The following ANKMY1 variants were observed in gnomAD, a reference collection of about 807,000 sequenced individuals.
ANKMY1 encodes the protein ankyrin repeat and MYND domain-containing protein 1.
ANKMY1 carries 98 observed loss-of-function variants against 102.0 expected under a neutral mutation model. The observed-to-expected ratio is 0.96, with a 90% confidence interval of 0.82 to 1.14. ANKMY1 has a LOEUF of 1.14. Ranked by LOEUF, ANKMY1 falls within the 50% of genes most tolerant of loss-of-function variation. The pLI is 0.00. For missense variants in ANKMY1, 1,330 were observed against 1,347.6 expected, an observed-to-expected ratio of 0.99 and a Z score of 0.20; for synonymous variants, 582 against 559.9, an observed-to-expected ratio of 1.04 and a Z score of -0.56.
At chr2:240,490,374 T>A (rs77009686) in intron 15 of ANKMY1, among the ~76,000 whole-genome samples, 1 of 152,140 alleles carries the variant, frequency 6.6e-6, no homozygotes, top group Admixed American at 6.5e-5. Flanking sequence ...TAGTTTGTAA[T>A]CTTTCTACTT....
chr2:240,511,982 C>A lies in ANKMY1; in HGVS notation c.2165G>T (p.Ser722Ile), dbSNP rs778901962. 1 of 1,560,398 alleles carries A rather than the reference C, an allele frequency of 6.4e-7. No homozygotes were observed. The highest frequency in any genetic ancestry group is 8.6e-7 in the Non-Finnish European group (1 of 1,162,118). Reference sequence around the variant, plus strand: ...GCCTGGCTCATTGCTGAGCTTCAGACTTGAGGGCAGCAGGTCCAGCTGTGT... The same window carrying A: ...GCCTGGCTCATTGCTGAGCTTCAGAATTGAGGGCAGCAGGTCCAGCTGTGT... ...KPGKLDLLPS[S>I]LKLSNEPGPP... is the part of the protein sequence containing the mutation. The change falls in exon 11 of 18, where the codon AGT becomes ATT. Residue 722 changes from serine to isoleucine, a missense_variant. Transcript: ENST00000401804.
chr2:240,524,951 CAG>C (rs2083057162), intron 7 of ANKMY1, among the ~76,000 whole-genome samples: 1 of 152,200 alleles, frequency 6.6e-6, no homozygotes, highest in African/African-American at 2.4e-5. Context: ...AAGAGTCCCA[CAG>C]ACAGTTGTTT....
Position 240,507,622 on chromosome 2 carries a change from G to A in ANKMY1, c.2464C>T (p.Leu822=). The change falls in exon 13 of 18, where the codon CTG becomes TTG. Residue 822 remains leucine, a synonymous_variant. Coordinates refer to ENST00000401804, the MANE Select transcript of ANKMY1 (RefSeq NM_001282771.3). ...TAGGTCAGGTCACAGGCAACACACA[G>A]GGCACTGCCCAAGCCTTTGGTCAGG... ...LPLTKGLGSA[L]CVACDLTYEH... 2 of 1,612,034 alleles carry A rather than the reference G, an allele frequency of 1.2e-6. No individual in the cohort carries two copies. Among genetic ancestry groups the A allele is most frequent in the Non-Finnish European group, 1.7e-6 (2 of 1,179,000 alleles).
chr2:240,480,049 A>G (rs1055588300), intron 17 of ANKMY1, among the ~76,000 whole-genome samples: 2 of 152,148 alleles, frequency 1.3e-5, no homozygotes, highest in Admixed American at 1.3e-4. Flanking sequence ...GTCTCTACTA[A>G]AAATACAAAA....
At chr2:240,476,335 A>G (rs2074849199), downstream of ANKMY1, among the ~76,000 whole-genome samples, 1 of 152,228 alleles carries the variant, frequency 6.6e-6, no homozygotes, top group South Asian at 2.1e-4. Context: ...ATATACCCTT[A>G]TCTTACACCA....
chr2:240,485,647 T>C (rs1441601261), intron 15 of ANKMY1, among the ~76,000 whole-genome samples: 3 of 151,936 alleles, frequency 2.0e-5, no homozygotes, highest in African/African-American at 7.3e-5. Context: ...TGGAGTGCAG[T>C]GGCATGATAG....
intron 13 of ANKMY1, 106 bp from the exon 14 acceptor site, chr2:240,500,671 G>T: frequency 1.1e-6 from 1 of 926,914 alleles, no homozygotes; most frequent in Non-Finnish European, 1.7e-6. Context: ...CCCCACCAAG[G>T]CCGCCCTTGC....
chr2:240,550,258 C>G (rs2091254491), intron 4 of ANKMY1, among the ~76,000 whole-genome samples: 1 of 150,558 alleles, frequency 6.6e-6, no homozygotes, highest in South Asian at 2.1e-4. Flanking sequence ...TAAACTATCG[C>G]AAGAACAAAA....
chr2:240,479,401 C>A, downstream of ANKMY1: 1 of 648,236 alleles, frequency 1.5e-6, no homozygotes, highest in Admixed American at 2.7e-5. Flanking sequence ...CTTTGCCCAG[C>A]TAGGGGCAGA....
At chr2:240,489,483 T>G (rs1177405665) in intron 15 of ANKMY1, among the ~76,000 whole-genome samples, 1 of 152,046 alleles carries the variant, frequency 6.6e-6, no homozygotes, top group Non-Finnish European at 1.5e-5. Flanking sequence ...GTTTTTATCA[T>G]GAAGATTTGT....
rs1217573946 is a variant in ANKMY1 at position 240,500,110 on chromosome 2, G to C, written c.2654C>G (p.Ala885Gly). The stretch of plus-strand genomic sequence containing the variant: ...CATCAGCGTGTGGAAGGGGCAGCGG[G>C]CAATCCTCCGGTCCTGCGGCACAGC... ...YFRFFQDRRI[A>G]RCPFHTLMPA... Residue 885 changes from alanine to glycine, a missense_variant, in exon 15 of 18, where the codon GCC becomes GGC. Transcript: ENST00000401804. The C allele has an allele frequency of 6.2e-7, 1 of 1,603,698 alleles. No individual in the cohort carries two copies. Among genetic ancestry groups the C allele is most frequent in the Non-Finnish European group, 8.5e-7 (1 of 1,175,644 alleles).
intron 4 of ANKMY1, chr2:240,532,077 T>C: frequency 2.1e-6 from 1 of 468,756 alleles, no homozygotes; most frequent in Non-Finnish European, 4.4e-6. Flanking sequence ...ACAGGCAATA[T>C]TTGAAGAAAT....
intron 11 of ANKMY1, among the ~76,000 whole-genome samples, chr2:240,510,761 G>T (rs929607712): frequency 6.7e-6 from 1 of 149,318 alleles, no homozygotes; most frequent in Admixed American, 6.7e-5. Context: ...CGTCACGCCT[G>T]CAGCACTGAA....
chr2:240,538,224 T>C (rs545193662), intron 4 of ANKMY1, among the ~76,000 whole-genome samples: 1 of 152,294 alleles, frequency 6.6e-6, no homozygotes, highest in South Asian at 2.1e-4. Flanking sequence ...TGGGGGCCCC[T>C]CTCTGGGGCT....
At chr2:240,560,626 G>A, upstream of ANKMY1, 2 of 1,408,224 alleles carry the variant, frequency 1.4e-6, no homozygotes, top group Non-Finnish European at 1.8e-6. Flanking sequence ...TCCTGGGCGG[G>A]CGCCTGAGCC....
chr2:240,548,940 C>A (rs1223099274), intron 4 of ANKMY1, among the ~76,000 whole-genome samples: 1 of 152,158 alleles, frequency 6.6e-6, no homozygotes, highest in Non-Finnish European at 1.5e-5. Context: ...CCATACTGCC[C>A]AAGGTAATTT....
At chr2:240,554,123 A>G (rs772510558) in intron 3 of ANKMY1, 1 of 152,210 alleles carries the variant, frequency 6.6e-6, no homozygotes, top group Non-Finnish European at 1.5e-5. Flanking sequence ...CTCTCCCTAC[A>G]GAGAGGATTC....
chr2:240,528,496 C>T (rs954263216), intron 5 of ANKMY1, among the ~76,000 whole-genome samples: 2 of 152,098 alleles, frequency 1.3e-5, no homozygotes, highest in Admixed American at 1.3e-4. Context: ...AGATCCCTTA[C>T]CACCATATAA....
chr2:240,532,268 T>C, intron 4 of ANKMY1: 1 of 322,478 alleles, frequency 3.1e-6, no homozygotes, highest in Non-Finnish European at 6.5e-6. Context: ...GAGTAGAATC[T>C]TCACTGTGCT....
Sources: allele counts gnomAD v4.1 joint callset (sites outside exome capture counted in the v4.1 genomes callset), GRCh38; gene constraint gnomAD v4.1.1; transcripts MANE v1.5; gene names NCBI Gene and HGNC (gene_info 2026-07-23, HGNC 2026-07-21).